Variants in BEND6 observed in about 807,000 individuals in gnomAD.
The protein encoded by BEND6 is BEN domain-containing protein 6.
In BEND6, 24 loss-of-function variants were observed where a neutral mutation model predicts 31.8. The ratio of observed to expected loss-of-function variants is 0.75; its 90% CI spans 0.55 to 1.06. The LOEUF is 1.06. Among genes scored for constraint, BEND6 ranks in the 50% least tolerant of loss-of-function variants. BEND6 has a pLI of 0.00. For synonymous variants in BEND6, 109 were observed against 114.6 expected, an observed-to-expected ratio of 0.95 and a Z score of 0.31; for missense variants, 294 against 327.4, an observed-to-expected ratio of 0.90 and a Z score of 0.79.
At chr6:56,976,739 A>G (rs1409921063) in intron 1 of BEND6, among the ~76,000 whole-genome samples, 1 of 151,894 alleles carries the variant, frequency 6.6e-6, no homozygotes, top group Non-Finnish European at 1.5e-5. Context: ...TAATTTTTGT[A>G]TTTTTAATAC....
chr6:56,979,707 A>G (rs1176668002), intron 1 of BEND6, among the ~76,000 whole-genome samples: 1 of 152,210 alleles, frequency 6.6e-6, no homozygotes, highest in Non-Finnish European at 1.5e-5. Flanking sequence ...TGAAAATTTG[A>G]AAATTTGTCT....
chr6:56,988,144 G>A (rs1826352159), intron 2 of BEND6, among the ~76,000 whole-genome samples: 1 of 151,620 alleles, frequency 6.6e-6, no homozygotes, highest in African/African-American at 2.4e-5. Context: ...AGCCTCCCAG[G>A]TAGCTGGGAC....
intron 3 of BEND6, among the ~76,000 whole-genome samples, chr6:57,005,661 C>A: frequency 6.8e-6 from 1 of 147,166 alleles, no homozygotes; most frequent in Middle Eastern, 3.2e-3. Context: ...CCCTGGGCGA[C>A]AGAGCGAGAC....
intron 3 of BEND6, chr6:57,009,138 G>A (rs1006716530): frequency 6.6e-6 from 1 of 152,168 alleles, no homozygotes; most frequent in African/African-American, 2.4e-5. Context: ...AAAGGGCAGG[G>A]GGAAGGGAAA....
intron 1 of BEND6, among the ~76,000 whole-genome samples, chr6:56,959,188 C>G (rs1161065738): frequency 6.6e-6 from 1 of 152,144 alleles, no homozygotes; most frequent in Non-Finnish European, 1.5e-5. Context: ...TCTTTCTGGT[C>G]TCAGGTTGCT....
intron 2 of BEND6, among the ~76,000 whole-genome samples, chr6:56,990,227 A>C (rs369620431): frequency 4.9e-5 from 7 of 143,196 alleles, no homozygotes; most frequent in Non-Finnish European, 1.1e-4. Context: ...ATCTGCATGC[A>C]TCTATTTTGG....
chr6:57,019,177 A>G (rs1428797728), intron 6 of BEND6, among the ~76,000 whole-genome samples: 1 of 152,208 alleles, frequency 6.6e-6, no homozygotes, highest in East Asian at 1.9e-4. Flanking sequence ...TATACTAAGA[A>G]AAAGAATAAT....
rs968645837 is a variant in BEND6 at position 56,956,941 on chromosome 6, G to A, written c.-101+1481G>A. 6.6e-5 allele frequency among the ~76,000 whole-genome samples: 10 copies of A among 152,204 alleles called. No individual in the cohort carries two copies. The South Asian group carries it at 8.3e-4, about 13-fold the overall frequency. ...TTTAAACAACAAAACTGAACTAACC[G>A]TGTGCAGACATTGGGGGAAATAACT... On this transcript the variant is annotated intron_variant, in intron 1 of 6. Transcript: ENST00000370746.
intron 3 of BEND6, chr6:57,009,322 A>G (rs959756727): frequency 1.3e-5 from 2 of 152,204 alleles, no homozygotes; most frequent in Non-Finnish European, 2.9e-5. Flanking sequence ...GTTTGCAGTA[A>G]TAGATATGCT....
chr6:57,012,284 ATAT>A (rs1291584436), intron 3 of BEND6, among the ~76,000 whole-genome samples: 2 of 152,254 alleles, frequency 1.3e-5, no homozygotes, highest in African/African-American at 4.8e-5. Context: ...ATGTCTTAAA[ATAT>A]TATGCAGAGA....
At chr6:56,962,151 G>A (rs1212708713) in intron 1 of BEND6, among the ~76,000 whole-genome samples, 2 of 152,134 alleles carry the variant, frequency 1.3e-5, no homozygotes, top group Non-Finnish European at 2.9e-5. Context: ...CTTCCACCAT[G>A]TGATGACACA....
At chr6:56,987,527 T>G (rs1255879906) in intron 2 of BEND6, among the ~76,000 whole-genome samples, 1 of 152,220 alleles carries the variant, frequency 6.6e-6, no homozygotes, top group Non-Finnish European at 1.5e-5. Flanking sequence ...CCTGCTGTTC[T>G]GGGATTGCCC....
intron 3 of BEND6, among the ~76,000 whole-genome samples, chr6:56,995,293 T>C (rs1826666253): frequency 6.6e-6 from 1 of 152,088 alleles, no homozygotes; most frequent in Non-Finnish European, 1.5e-5. Flanking sequence ...TCCTTCCTCT[T>C]ATGGAAAAAC....
chr6:57,008,266 C>A, intron 3 of BEND6: 1 of 702,324 alleles, frequency 1.4e-6, no homozygotes, highest in Non-Finnish European at 2.6e-6. Context: ...AGATACGGGT[C>A]CTGGTGCTAG....
At chr6:56,997,258 A>G (rs975370310) in intron 3 of BEND6, among the ~76,000 whole-genome samples, 1 of 152,136 alleles carries the variant, frequency 6.6e-6, no homozygotes, top group Non-Finnish European at 1.5e-5. Flanking sequence ...CATTTCTTTC[A>G]GATCTTCACT....
At chr6:57,023,046 A>C (rs1827800314) in intron 6 of BEND6, among the ~76,000 whole-genome samples, 1 of 152,194 alleles carries the variant, frequency 6.6e-6, no homozygotes, top group South Asian at 2.1e-4. Context: ...GCCTAGATAT[A>C]GCCTATTCTG....
At chr6:56,974,997 T>C (rs1182308606) in intron 1 of BEND6, among the ~76,000 whole-genome samples, 3 of 152,116 alleles carry the variant, frequency 2.0e-5, no homozygotes, top group Non-Finnish European at 2.9e-5. Flanking sequence ...CGGGTGCCTG[T>C]AATCCAAGCT....
At chr6:57,012,266 C>A (rs1037266959) in intron 3 of BEND6, among the ~76,000 whole-genome samples, 1 of 152,078 alleles carries the variant, frequency 6.6e-6, no homozygotes, top group African/African-American at 2.4e-5. Flanking sequence ...ATGGTACACA[C>A]AACATGAATG....
At chr6:57,010,950 A>G (rs1042971793) in intron 3 of BEND6, 1 of 418,726 alleles carries the variant, frequency 2.4e-6, no homozygotes, top group Admixed American at 6.4e-5. Flanking sequence ...TGCTTAATAT[A>G]TAAGGGAGTT....
Sources: gnomAD v4.1 joint callset for allele counts (sites outside exome capture counted in the v4.1 genomes callset) on GRCh38, gnomAD v4.1.1 for gene constraint, MANE v1.5 for transcripts, NCBI Gene and HGNC (gene_info 2026-07-23, HGNC 2026-07-21) for gene names.